Variants in NR1H4 observed in about 807,000 individuals in gnomAD.
The protein encoded by NR1H4 is bile acid receptor.
In NR1H4, 23 loss-of-function variants were observed where a neutral mutation model predicts 58.5. The ratio of observed to expected loss-of-function variants is 0.39; its 90% CI spans 0.28 to 0.56. The LOEUF is 0.56. NR1H4 is among the 20% of genes least tolerant of loss of function. NR1H4 has a pLI of 0.58. For synonymous variants in NR1H4, 214 were observed against 198.0 expected (o/e 1.08, Z -0.68); for missense variants, 487 against 576.9 (o/e 0.84, Z 1.60).
chr12:100,537,172 T>G (rs1484771794), intron 8 of NR1H4, 125 bp downstream of exon 8: 4 of 666,592 alleles, frequency 6.0e-6, no homozygotes, highest in Non-Finnish European at 1.1e-5. Flanking sequence ...AGCTCTATTT[T>G]CACTATTACT....
chr12:100,561,393 A>G (rs753382596), intron 9 of NR1H4, among the ~76,000 whole-genome samples: 2 of 151,992 alleles, frequency 1.3e-5, no homozygotes, highest in South Asian at 2.1e-4. Context: ...GCGAGACTCC[A>G]TCTCAAAAAA....
At chr12:100,532,376 C>T in intron 4 of NR1H4, 82 bp from the exon 5 acceptor site, 1 of 1,409,312 alleles carries the variant, frequency 7.1e-7, no homozygotes, top group Non-Finnish European at 1.0e-6. Context: ...AGAAAATGTC[C>T]TGGCATCTCT....
chr12:100,548,329 T>C (rs1266130790), intron 9 of NR1H4, among the ~76,000 whole-genome samples: 1 of 149,388 alleles, frequency 6.7e-6, no homozygotes, highest in Non-Finnish European at 1.5e-5. Context: ...ATTGCACCAC[T>C]GCACTCCAGC....
At chr12:100,487,165 C>T (rs1385121541) in intron 1 of NR1H4, among the ~76,000 whole-genome samples, 1 of 151,932 alleles carries the variant, frequency 6.6e-6, no homozygotes, top group East Asian at 1.9e-4. Flanking sequence ...AAAAATTGTT[C>T]AAAGTGAGAG....
intron 9 of NR1H4, among the ~76,000 whole-genome samples, chr12:100,546,265 A>G (rs988660214): frequency 6.6e-6 from 1 of 152,160 alleles, no homozygotes; most frequent in Non-Finnish European, 1.5e-5. Flanking sequence ...GATATTATCA[A>G]TTCTATGCCA....
Position 100,474,388 on chromosome 12 carries a change from C to A in NR1H4, c.-190+329C>A, listed in dbSNP as rs978549469. ...CGTTCTGATTCCATAAACAATTTGA[C>A]TTGTATAGTGTGCTATATTTTGGTG... On this transcript the variant is annotated intron_variant, in intron 1 of 10. Coordinates refer to ENST00000392986, the MANE Select transcript of NR1H4 (RefSeq NM_001206979.2). Among the ~76,000 whole-genome samples the A allele has an allele frequency of 2.6e-5, 4 of 152,100 alleles. No homozygotes were observed. In the East Asian group the frequency reaches 5.8e-4, roughly 22 times the overall value.
At chr12:100,528,551 T>C (rs539853407) in intron 4 of NR1H4, among the ~76,000 whole-genome samples, 57 of 152,348 alleles carry the variant, frequency 3.7e-4, no homozygotes, top group African/African-American at 1.3e-3. Context: ...CAAGGCTCTG[T>C]TCCTCAGTGA....
At chr12:100,525,851 A>T (rs1441654050) in intron 4 of NR1H4, among the ~76,000 whole-genome samples, 1 of 151,934 alleles carries the variant, frequency 6.6e-6, no homozygotes, top group Non-Finnish European at 1.5e-5. Flanking sequence ...CTCCTTGTTG[A>T]GTTTTGGTAG....
intron 9 of NR1H4, among the ~76,000 whole-genome samples, chr12:100,547,441 T>C (rs1352521522): frequency 6.6e-6 from 1 of 151,920 alleles, no homozygotes; most frequent in African/African-American, 2.4e-5. Flanking sequence ...GGAAAAAGAG[T>C]GGCACACCTT....
At chr12:100,513,694 C>T (rs956691035) in intron 4 of NR1H4, among the ~76,000 whole-genome samples, 1 of 152,026 alleles carries the variant, frequency 6.6e-6, no homozygotes. Context: ...ACTTGGGAGT[C>T]TGAGACAGGA....
chr12:100,549,731 A>G (rs1308045442), intron 9 of NR1H4, among the ~76,000 whole-genome samples: 2 of 152,194 alleles, frequency 1.3e-5, no homozygotes, highest in African/African-American at 4.8e-5. Flanking sequence ...ACTTTCTCCA[A>G]ATATCAACCA....
chr12:100,498,561 C>A (rs902668944), intron 3 of NR1H4, among the ~76,000 whole-genome samples: 2 of 151,900 alleles, frequency 1.3e-5, no homozygotes, highest in Non-Finnish European at 1.5e-5. Context: ...TCGCTTGAAC[C>A]CAGGAGGCGG....
intron 9 of NR1H4, 136 bp from the exon 10 acceptor site, chr12:100,561,749 A>G: frequency 1.6e-6 from 1 of 609,396 alleles, no homozygotes; most frequent in Non-Finnish European, 2.9e-6. Flanking sequence ...GACATATAAT[A>G]AAAATAATAT....
chr12:100,557,123 C>T (rs1472742438), intron 9 of NR1H4, among the ~76,000 whole-genome samples: 1 of 152,038 alleles, frequency 6.6e-6, no homozygotes, highest in African/African-American at 2.4e-5. Context: ...ATACCTGAGA[C>T]TGGGTAATTT....
chr12:100,536,383 G>C, intron 6 of NR1H4, 129 bp from the exon 7 acceptor site: 1 of 650,428 alleles, frequency 1.5e-6, no homozygotes, highest in Non-Finnish European at 2.8e-6. Flanking sequence ...AGAACTCATA[G>C]TTCCTGCTGT....
At chr12:100,528,658 A>G (rs537358675) in intron 4 of NR1H4, among the ~76,000 whole-genome samples, 2 of 152,374 alleles carry the variant, frequency 1.3e-5, no homozygotes, top group African/African-American at 4.8e-5. Flanking sequence ...ATAGATTTGC[A>G]TAAGTATAAA....
At chr12:100,483,954 G>A (rs899047597) in intron 1 of NR1H4, among the ~76,000 whole-genome samples, 15 of 137,474 alleles carry the variant, frequency 1.1e-4, no homozygotes, top group Non-Finnish European at 1.7e-4. Flanking sequence ...ACTGCACTCC[G>A]ACCTGGGCAA....
intron 4 of NR1H4, among the ~76,000 whole-genome samples, chr12:100,527,341 A>T (rs1954584320): frequency 6.6e-6 from 1 of 152,058 alleles, no homozygotes; most frequent in Non-Finnish European, 1.5e-5. Context: ...CTGCCTGGAC[A>T]ACATAGCTAG....
intron 9 of NR1H4, among the ~76,000 whole-genome samples, chr12:100,558,480 C>T (rs1694259539): frequency 6.6e-6 from 1 of 152,180 alleles, no homozygotes; most frequent in African/African-American, 2.4e-5. Flanking sequence ...ACCTCAGCCT[C>T]CTGAGTAGCT....
Sources: allele counts gnomAD v4.1 joint callset (sites outside exome capture counted in the v4.1 genomes callset), GRCh38; gene constraint gnomAD v4.1.1; transcripts MANE v1.5; gene names NCBI Gene and HGNC (gene_info 2026-07-23, HGNC 2026-07-21).